The following SHOX variants were observed in gnomAD, a reference collection of about 807,000 sequenced individuals.
SHOX encodes the protein short stature homeobox protein.
Under a neutral mutation model 29.6 loss-of-function variants are expected in SHOX, and 12 were observed. The ratio of observed to expected loss-of-function variants is 0.41; its 90% confidence interval spans 0.26 to 0.66. SHOX has a LOEUF of 0.66. SHOX is among the 30% of genes least tolerant of loss of function. The probability of loss-of-function intolerance (pLI) is 0.35; values close to 1 mark genes in which losing one functional copy is unlikely to be tolerated. For missense variants in SHOX, 499 were observed against 437.7 expected (o/e 1.14, Z -1.25); for synonymous variants, 214 against 200.6 (o/e 1.07, Z -0.57).
chrX:640,553 G>A (rs1302598874), intron 2 of SHOX, among the ~76,000 whole-genome samples: 1 of 152,086 alleles, frequency 6.6e-6, no homozygotes, highest in East Asian at 1.9e-4. Flanking sequence ...TCCAGCCTGG[G>A]CGACAGAGCG....
Position 631,269 on chromosome X carries a change from A to C in SHOX, c.277+95A>C, listed in dbSNP as rs2052644117. 2.1e-6 allele frequency: 3 copies of C among 1,460,752 alleles called. No individual in the cohort carries two copies. The Admixed American group carries it at 5.1e-5, about 25-fold the overall frequency. 90.5% of individuals were successfully genotyped at this position (1,460,752 alleles called of 1,614,324 possible). A position where few individuals can be genotyped will look rare whatever the true frequency, so the allele number is the denominator to read the frequency against. ...GCCCCGCGCGCCCCTCGCTGTGCACATTTGCAGCTCCCGTCTCGCCAGGGT... is the reference window on the plus strand; with the variant it reads ...GCCCCGCGCGCCCCTCGCTGTGCACCTTTGCAGCTCCCGTCTCGCCAGGGT... On this transcript the variant is annotated intron_variant, in intron 1 of 4. Coordinates refer to ENST00000686671, the MANE Select transcript of SHOX (RefSeq NM_000451.4).
chrX:631,151 T>C lies in SHOX; in HGVS notation c.254T>C (p.Phe85Ser). Residue 85 changes from phenylalanine to serine, a missense_variant, in exon 1 of 5, where the codon TTC becomes TCC. Coordinates refer to ENST00000686671, the MANE Select transcript of SHOX (RefSeq NM_000451.4). Reference protein sequence around the residue: ...VDNDKEKLKEFGTARVAEGIY... With the variant: ...VDNDKEKLKESGTARVAEGIY... ...AATGACAAGGAGAAACTGAAAGAAT[T>C]CGGCACCGCGAGAGTGGCAGAAGGT... The C allele has an allele frequency of 6.2e-7, 1 of 1,613,026 alleles. No individual in the cohort carries two copies.
intron 1 of SHOX, among the ~76,000 whole-genome samples, chrX:631,612 A>C (rs746450134): frequency 6.6e-6 from 1 of 151,780 alleles, no homozygotes; most frequent in South Asian, 2.1e-4. Flanking sequence ...GCTCACTGCA[A>C]CCTCTGCCTC....
intron 2 of SHOX, among the ~76,000 whole-genome samples, chrX:638,679 G>A (rs2052799001): frequency 6.6e-6 from 1 of 152,192 alleles, no homozygotes; most frequent in South Asian, 2.1e-4. Flanking sequence ...GCAAGTTCAC[G>A]TTGCGCTGTG....
exon 1 of SHOX, chrX:624,515 A>C (rs1053390237): frequency 6.6e-6 from 1 of 151,986 alleles, no homozygotes; most frequent in African/African-American, 2.4e-5. Flanking sequence ...GAGTCCGCAC[A>C]GGGTTTGCGG....
upstream of SHOX, among the ~76,000 whole-genome samples, chrX:626,579 A>C (rs1448767115): frequency 0.042 from 489 of 11,592 alleles, 107 homozygotes; most frequent in African/African-American, 0.094. Flanking sequence ...CTCTGTCTGT[A>C]TCTCTGTCTG....
At chrX:653,999 C>T (rs1413167952), downstream of SHOX, among the ~76,000 whole-genome samples, 4 of 152,056 alleles carry the variant, frequency 2.6e-5, no homozygotes, top group African/African-American at 4.8e-5. Flanking sequence ...AAAATAGTGT[C>T]GGTCGTCTAC....
intron 2 of SHOX, among the ~76,000 whole-genome samples, chrX:637,947 T>A (rs1357535595): frequency 1.3e-5 from 2 of 152,204 alleles, no homozygotes; most frequent in East Asian, 3.9e-4. Flanking sequence ...AGGCTTCTAA[T>A]CGAAAGTTAT....
upstream of SHOX, chrX:630,636 A>G (rs2052630024): frequency 1.7e-6 from 1 of 594,376 alleles, no homozygotes; most frequent in African/African-American, 1.9e-5. Flanking sequence ...AAATGAGAAG[A>G]AAGCCAATTG....
rs910530060 is a variant in SHOX at position 646,952 on chromosome X, T to C, written c.*2316T>C. 4 of 152,026 alleles carry C rather than the reference T, an allele frequency of 2.6e-5. No homozygotes were observed. Among genetic ancestry groups the C allele is most frequent in the Non-Finnish European group, 5.9e-5 (4 of 68,024 alleles). 9.4% of individuals were successfully genotyped at this position (152,026 alleles called of 1,614,324 possible). The stretch of plus-strand genomic sequence containing the variant: ...TAAGATATGTACAGCCCTAGATTTT[T>C]TTTTTTTAACCAAAAAGGCTGAGTA... On this transcript the variant is annotated 3_prime_UTR_variant, in exon 5 of 5. Transcript: ENST00000686671.
At chrX:639,529 G>A (rs1427187360) in intron 2 of SHOX, among the ~76,000 whole-genome samples, 3 of 152,238 alleles carry the variant, frequency 2.0e-5, no homozygotes, top group African/African-American at 7.2e-5. Context: ...GCTAAAGTCT[G>A]AAGGTGGAAA....
At chrX:635,327 C>T (rs2052726437) in intron 2 of SHOX, among the ~76,000 whole-genome samples, 1 of 152,114 alleles carries the variant, frequency 6.6e-6, no homozygotes, top group African/African-American at 2.4e-5. Context: ...GTCTTTTGGC[C>T]CCTGATTCCC....
upstream of SHOX, among the ~76,000 whole-genome samples, chrX:626,814 TCTCTCTCTC>T (rs1273762796): frequency 1.4e-5 from 2 of 147,106 alleles, no homozygotes; most frequent in Non-Finnish European, 3.0e-5. Flanking sequence ...TGTCTCTCTT[TCTCTCTCTC>T]CTCTCTCTCT....
downstream of SHOX, among the ~76,000 whole-genome samples, chrX:655,466 G>A (rs888512646): frequency 6.6e-6 from 1 of 151,588 alleles, no homozygotes; most frequent in African/African-American, 2.4e-5. Flanking sequence ...TTAGCCAGCT[G>A]TGGTGGCTCC....
intron 1 of SHOX, among the ~76,000 whole-genome samples, chrX:624,930 CTTTT>C (rs2052487789): frequency 8.7e-6 from 1 of 115,206 alleles, no homozygotes; most frequent in South Asian, 2.8e-4. Flanking sequence ...TTCTTTCTTT[CTTTT>C]CTTTCTTTCA....
intron 1 of SHOX, among the ~76,000 whole-genome samples, chrX:634,231 G>T (rs776065380): frequency 1.3e-5 from 2 of 152,152 alleles, no homozygotes; most frequent in African/African-American, 4.8e-5. Flanking sequence ...GGTCCTCCCC[G>T]TGTCCTTCCC....
Position 644,814 on chromosome X carries a change from C to G in SHOX, c.*178C>G, listed in dbSNP as rs186114414. 1,885 of 784,614 alleles carry G rather than the reference C, an allele frequency of 2.4e-3. 25 individuals are homozygous for G. The African/African-American group carries it at 0.032, about 13-fold the overall frequency. 48.6% of individuals were successfully genotyped at this position (784,614 alleles called of 1,614,324 possible). A position where few individuals can be genotyped will look rare whatever the true frequency, so the allele number is the denominator to read the frequency against. On this transcript the variant is annotated 3_prime_UTR_variant, in exon 5 of 5. Transcript: ENST00000686671. ...GCTCCCGGGACCGTCCACGCACGAC[C>G]CAGCCAGACCCTCGCGGAGATGGTG... is the stretch of plus-strand genomic sequence containing the variant.
chrX:636,180 AATAT>A (rs1195646735), intron 2 of SHOX, among the ~76,000 whole-genome samples: 14 of 147,502 alleles, frequency 9.5e-5, no homozygotes, highest in Admixed American at 2.7e-4. Flanking sequence ...AATGTATGTA[AATAT>A]ATATAATCTA....
At chrX:630,317 C>G (rs1303100117), upstream of SHOX, 2 of 151,482 alleles carry the variant, frequency 1.3e-5, no homozygotes, top group Non-Finnish European at 2.9e-5. Context: ...ATCCCCCCCT[C>G]GCCATCTCAA....
Sources: allele counts gnomAD v4.1 joint callset (sites outside exome capture counted in the v4.1 genomes callset), GRCh38; gene constraint gnomAD v4.1.1; transcripts MANE v1.5; gene names NCBI Gene and HGNC (gene_info 2026-07-23, HGNC 2026-07-21).